The following ATP8A1 variants were observed in gnomAD, a reference collection of about 807,000 sequenced individuals.
ATP8A1 encodes ATPase phospholipid transporting 8A1, also known as phospholipid-transporting ATPase IA.
In ATP8A1, 90 loss-of-function variants were observed where a neutral mutation model predicts 177.7. The ratio of observed to expected loss-of-function variants is 0.51; its 90% CI spans 0.43 to 0.60. The LOEUF is 0.60. Among genes scored for constraint, ATP8A1 ranks in the 20% least tolerant of loss-of-function variants. The pLI is 0.00. For missense variants in ATP8A1, 1,072 were observed against 1,392.8 expected (o/e 0.77, Z 3.67); for synonymous variants, 493 against 485.9 (o/e 1.01, Z -0.19).
In ATP8A1 at chr4:42,643,967, C is replaced by T. The variant is rs116064898; in HGVS notation, c.49+12858G>A. Reference sequence around the variant, plus strand: ...AAGATAGCTTCAAGCGTAGTTATGTCACAAAACAAAAAAGCCCTACTTGCA... The same window carrying T: ...AAGATAGCTTCAAGCGTAGTTATGTTACAAAACAAAAAAGCCCTACTTGCA... On this transcript the variant is annotated intron_variant, in intron 1 of 36. Coordinates refer to ENST00000381668, the MANE Select transcript of ATP8A1 (RefSeq NM_006095.2). Among the ~76,000 whole-genome samples the T allele has an allele frequency of 6.6e-3, 1,004 of 152,226 alleles. 9 individuals are homozygous for T. The highest frequency in any genetic ancestry group is 0.023 in the African/African-American group (945 of 41,540).
chr4:42,486,588 T>C (rs79684245), intron 24 of ATP8A1, among the ~76,000 whole-genome samples: 2 of 152,206 alleles, frequency 1.3e-5, no homozygotes, highest in African/African-American at 4.8e-5. Context: ...TAAATTCTTT[T>C]GTTAAAAATC....
intron 1 of ATP8A1, among the ~76,000 whole-genome samples, chr4:42,634,402 C>T (rs13113087): frequency 0.012 from 1,883 of 152,238 alleles, 40 homozygotes; most frequent in Admixed American, 0.017. Flanking sequence ...TAATTTTGCC[C>T]ATTACTTTAT....
chr4:42,412,945 T>C lies in ATP8A1; in HGVS notation c.3466A>G (p.Thr1156Ala), dbSNP rs754168075. Reference sequence around the variant, plus strand: ...CATTCGTCGGGCCTCTGTTTCGTGGTATCATATGCTCTTATCACTTCAGAC... The same window carrying C: ...CATTCGTCGGGCCTCTGTTTCGTGGCATCATATGCTCTTATCACTTCAGAC... ...SQSEVIRAYD[T>A]TKQRPDEW Residue 1156 changes from threonine (T) to alanine (A), a missense_variant, in exon 37 of 37, where the codon ACC (threonine) becomes GCC (alanine). Coordinates refer to ENST00000381668, the MANE Select transcript of ATP8A1 (RefSeq NM_006095.2). The C allele has an allele frequency of 1.9e-6, 3 of 1,613,550 alleles. No homozygotes were observed.
At chr4:42,476,729 T>C (rs1428656797) in intron 25 of ATP8A1, among the ~76,000 whole-genome samples, 1 of 152,064 alleles carries the variant, frequency 6.6e-6, no homozygotes, top group African/African-American at 2.4e-5. Context: ...AAGCCAATGA[T>C]TTCTGTTTAA....
At chr4:42,620,162 C>T (rs1434870807) in intron 4 of ATP8A1, among the ~76,000 whole-genome samples, 1 of 152,168 alleles carries the variant, frequency 6.6e-6, no homozygotes, top group South Asian at 2.1e-4. Flanking sequence ...TCATTATTCT[C>T]ACTGATAAAG....
chr4:42,539,403 C>CCG (rs1728166938), intron 20 of ATP8A1, among the ~76,000 whole-genome samples: 1 of 146,354 alleles, frequency 6.8e-6, no homozygotes, highest in Non-Finnish European at 1.5e-5. Context: ...ATACCCCCCC[C>CCG]CCAACAAAAA....
chr4:42,603,378 GA>G (rs1385866981), intron 5 of ATP8A1, among the ~76,000 whole-genome samples: 3 of 152,098 alleles, frequency 2.0e-5, no homozygotes, highest in African/African-American at 7.2e-5. Context: ...GCAATATTTA[GA>G]AATGCATTAA....
chr4:42,576,884 A>G (rs1224333156), intron 12 of ATP8A1, among the ~76,000 whole-genome samples: 1 of 152,240 alleles, frequency 6.6e-6, no homozygotes, highest in Non-Finnish European at 1.5e-5. Context: ...AAGATAGGAT[A>G]GAATTGGCAT....
intron 31 of ATP8A1, 69 bp from the exon 32 acceptor site, chr4:42,444,703 T>A: frequency 6.9e-7 from 1 of 1,450,828 alleles, no homozygotes; most frequent in Non-Finnish European, 9.6e-7. Flanking sequence ...CTGAAGGATT[T>A]ATAAAGAACA....
chr4:42,631,585 G>T (rs1398103693), intron 1 of ATP8A1, among the ~76,000 whole-genome samples: 2 of 152,168 alleles, frequency 1.3e-5, no homozygotes, highest in Admixed American at 6.5e-5. Context: ...AAAGTTTGTT[G>T]CAATATCTTG....
At chr4:42,529,909 T>C (rs1396069903) in intron 20 of ATP8A1, among the ~76,000 whole-genome samples, 1 of 151,912 alleles carries the variant, frequency 6.6e-6, no homozygotes, top group Non-Finnish European at 1.5e-5. Context: ...TTTGGCTGGA[T>C]GGTCAGGGAC....
At position 42,423,574 on chromosome 4, in the gene ATP8A1, T is replaced by C. The variant is rs188079945; in HGVS notation, c.3212+43A>G. 444 of 1,345,778 alleles carry C rather than the reference T, an allele frequency of 3.3e-4. No homozygotes were observed. The African/African-American group carries it at 5.8e-3, about 18-fold the overall frequency. 83.4% of individuals were successfully genotyped at this position (1,345,778 alleles called of 1,614,324 possible). On this transcript the variant is annotated intron_variant, in intron 34 of 36. Transcript: ENST00000381668. ...ACCAAGAGAGAAATCTGAGGATGAATATGCATCTATATTTCTCCGTATATA... is the reference window on the plus strand; with the variant it reads ...ACCAAGAGAGAAATCTGAGGATGAACATGCATCTATATTTCTCCGTATATA...
At chr4:42,580,004 T>TA (rs34978906) in intron 10 of ATP8A1, 26 bp from the exon 11 acceptor site, 1 of 1,542,214 alleles carries the variant, frequency 6.5e-7, no homozygotes, top group Non-Finnish European at 8.8e-7. Flanking sequence ...AGATGAGTAA[T>TA]AAAAAATGTA....
chr4:42,441,117 G>A (rs1214903048), intron 33 of ATP8A1, among the ~76,000 whole-genome samples: 1 of 151,986 alleles, frequency 6.6e-6, no homozygotes, highest in Non-Finnish European at 1.5e-5. Flanking sequence ...TTCATTACGT[G>A]GATATCATAA....
At chr4:42,509,654 C>A (rs2078820270) in intron 22 of ATP8A1, among the ~76,000 whole-genome samples, 1 of 152,018 alleles carries the variant, frequency 6.6e-6, no homozygotes, top group South Asian at 2.1e-4. Context: ...AGATCGAGAC[C>A]ATCCTGGCTA....
At chr4:42,435,383 G>A (rs754959789) in intron 33 of ATP8A1, among the ~76,000 whole-genome samples, 4 of 138,726 alleles carry the variant, frequency 2.9e-5, no homozygotes, top group African/African-American at 1.1e-4. Flanking sequence ...CTGAGATCAC[G>A]CCATTGTACT....
intron 35 of ATP8A1, among the ~76,000 whole-genome samples, chr4:42,415,619 G>C (rs1713156282): frequency 6.6e-6 from 1 of 152,100 alleles, no homozygotes; most frequent in Non-Finnish European, 1.5e-5. Context: ...GAACATAATA[G>C]GCATGAGAAA....
Position 42,502,118 on chromosome 4 carries a change from A to G in ATP8A1, c.2151+1332T>C, listed in dbSNP as rs571148999. On this transcript the variant is annotated intron_variant, in intron 24 of 36. Transcript: ENST00000381668. ...CTCACTTCTCAAATATTTATAGTGT[A>G]CTTACTATGTGCTAGGCCATTTGCA... Among the ~76,000 whole-genome samples, 4 of 152,134 alleles carry G rather than the reference A, an allele frequency of 2.6e-5. No individual in the cohort carries two copies. In the South Asian group the frequency reaches 8.3e-4, roughly 32 times the overall value.
At chr4:42,482,481 G>A (rs1721793180) in intron 25 of ATP8A1, among the ~76,000 whole-genome samples, 1 of 152,146 alleles carries the variant, frequency 6.6e-6, no homozygotes, top group South Asian at 2.1e-4. Flanking sequence ...CAGGACTCCA[G>A]AGCCCTGAAT....
Sources: allele counts gnomAD v4.1 joint callset (sites outside exome capture counted in the v4.1 genomes callset), GRCh38; gene constraint gnomAD v4.1.1; transcripts MANE v1.5; gene names NCBI Gene and HGNC (gene_info 2026-07-23, HGNC 2026-07-21).